Variants in NCKAP5 observed in about 807,000 individuals in gnomAD.
NCKAP5 encodes the protein NCK associated protein 5.
A neutral mutation model predicts 167.0 loss-of-function variants in NCKAP5; 92 were observed. The ratio of observed to expected loss-of-function variants is 0.55; its 90% CI spans 0.47 to 0.66. The LOEUF is 0.66. Ranked by LOEUF, NCKAP5 falls within the 30% of genes least tolerant of loss-of-function variation. NCKAP5 has a pLI of 0.00. For missense variants in NCKAP5, 2,378 were observed against 2,315.0 expected, an observed-to-expected ratio of 1.03 and a Z score of -0.56; for synonymous variants, 891 against 877.4, an observed-to-expected ratio of 1.02 and a Z score of -0.27.
intron 8 of NCKAP5, among the ~76,000 whole-genome samples, chr2:132,914,032 C>A (rs1044279061): frequency 6.6e-6 from 1 of 152,106 alleles, no homozygotes; most frequent in African/African-American, 2.4e-5. Flanking sequence ...AGTTAAAACT[C>A]GCACCACCTT....
At chr2:133,050,197 T>C (rs1025211625) in intron 6 of NCKAP5, among the ~76,000 whole-genome samples, 1 of 152,102 alleles carries the variant, frequency 6.6e-6, no homozygotes, top group Non-Finnish European at 1.5e-5. Context: ...GTGTCATTCT[T>C]CTCCAGGATT....
At chr2:132,874,621 C>T (rs72992847) in intron 9 of NCKAP5, among the ~76,000 whole-genome samples, 18 of 152,268 alleles carry the variant, frequency 1.2e-4, no homozygotes, top group African/African-American at 3.4e-4. Flanking sequence ...AATGTCCTTG[C>T]GCTCTGAAGT....
intron 8 of NCKAP5, among the ~76,000 whole-genome samples, chr2:132,928,503 C>T (rs752056099): frequency 5.9e-5 from 9 of 152,046 alleles, no homozygotes; most frequent in African/African-American, 9.7e-5. Flanking sequence ...GACACATATA[C>T]CTATCTTGTA....
At chr2:132,829,088 A>T (rs942028280) in intron 11 of NCKAP5, among the ~76,000 whole-genome samples, 62 of 152,220 alleles carry the variant, frequency 4.1e-4, no homozygotes, top group African/African-American at 1.5e-3. Flanking sequence ...AATAAAAACA[A>T]CGACAATGTC....
chr2:132,785,644 A>G lies in NCKAP5; in HGVS notation c.1167T>C (p.Asn389=), dbSNP rs1382773234. 2.0e-6 allele frequency: 3 copies of G among 1,529,180 alleles called. No homozygotes were observed. Among genetic ancestry groups the G allele is most frequent in the Non-Finnish European group, 2.6e-6 (3 of 1,141,172 alleles). The allele number at this position is 1,529,180 out of a possible 1,614,324, so 94.7% of individuals were successfully genotyped here. ...CCTTGATACGAGTTGGAGGTAGTTC[A>G]TTTGTAGGACTAGCAAAGCCACTTG... ...SLPSGFASPT[N]ELPPTRIKES... The change falls in exon 14 of 20, where the codon AAT becomes AAC. Residue 389 remains asparagine (N), a synonymous_variant. Transcript: ENST00000409261.
the NCKAP5 span, among the ~76,000 whole-genome samples, chr2:133,582,861 A>G: frequency 2.0e-5 from 3 of 152,216 alleles, no homozygotes; most frequent in African/African-American, 7.2e-5. Flanking sequence ...ATTGAAGGTT[A>G]GGGTAGGGAT....
At chr2:133,105,838 T>A (rs2149696674) in intron 6 of NCKAP5, among the ~76,000 whole-genome samples, 1 of 152,358 alleles carries the variant, frequency 6.6e-6, no homozygotes, top group East Asian at 1.9e-4. Flanking sequence ...TCTGCTTATA[T>A]ATTCTGGGAT....
chr2:133,126,987 T>C (rs574779464), intron 6 of NCKAP5, among the ~76,000 whole-genome samples: 1 of 152,232 alleles, frequency 6.6e-6, no homozygotes, highest in African/African-American at 2.4e-5. Context: ...CCTCAGCCCA[T>C]GAACAATGTT....
At chr2:133,503,451 T>C (rs551275367) in intron 3 of NCKAP5, among the ~76,000 whole-genome samples, 1 of 152,346 alleles carries the variant, frequency 6.6e-6, no homozygotes, top group Non-Finnish European at 1.5e-5. Context: ...GGGTAGCACA[T>C]GGCTAATTAG....
At chr2:133,553,019 G>T (rs1418801626) in intron 2 of NCKAP5, among the ~76,000 whole-genome samples, 2 of 152,094 alleles carry the variant, frequency 1.3e-5, no homozygotes, top group Non-Finnish European at 2.9e-5. Flanking sequence ...AAATATTAGA[G>T]TACATTCTTT....
chr2:133,345,156 A>G (rs946174466), intron 3 of NCKAP5, among the ~76,000 whole-genome samples: 5 of 152,050 alleles, frequency 3.3e-5, no homozygotes, highest in African/African-American at 1.2e-4. Flanking sequence ...TACAGCCTTT[A>G]AAAGATAACC....
intron 5 of NCKAP5, among the ~76,000 whole-genome samples, chr2:133,205,705 G>C (rs1019307389): frequency 2.6e-5 from 4 of 151,930 alleles, no homozygotes; most frequent in Non-Finnish European, 4.4e-5. Flanking sequence ...AAATCATTTG[G>C]GGGTAAGCTG....
intron 4 of NCKAP5, among the ~76,000 whole-genome samples, chr2:133,283,505 C>G (rs965399020): frequency 6.6e-6 from 1 of 151,920 alleles, no homozygotes; most frequent in Non-Finnish European, 1.5e-5. Context: ...TTTTAAATGG[C>G]TATTTGATGT....
chr2:133,179,954 T>C (rs2084658250), intron 5 of NCKAP5, among the ~76,000 whole-genome samples: 1 of 151,816 alleles, frequency 6.6e-6, no homozygotes, highest in Non-Finnish European at 1.5e-5. Context: ...AAAAATCAAA[T>C]TTGACAAAAT....
chr2:132,802,174 G>C (rs1005544910), intron 11 of NCKAP5, among the ~76,000 whole-genome samples: 7 of 152,180 alleles, frequency 4.6e-5, no homozygotes, highest in African/African-American at 1.7e-4. Context: ...TGCCCTGGCT[G>C]CTCCCCGTCT....
chr2:132,948,773 A>G (rs961611220), intron 8 of NCKAP5, among the ~76,000 whole-genome samples: 2 of 151,984 alleles, frequency 1.3e-5, no homozygotes, highest in Non-Finnish European at 2.9e-5. Context: ...ACAGCGCTCC[A>G]CCCCTTCTCT....
intron 8 of NCKAP5, among the ~76,000 whole-genome samples, chr2:132,901,988 C>T (rs1176856837): frequency 6.6e-6 from 1 of 152,142 alleles, no homozygotes; most frequent in African/African-American, 2.4e-5. Context: ...TTTCTATTAG[C>T]TTTTGTGCTA....
At chr2:132,687,688 C>T (rs1021279623) in intron 19 of NCKAP5, among the ~76,000 whole-genome samples, 5 of 148,300 alleles carry the variant, frequency 3.4e-5, no homozygotes, top group African/African-American at 1.3e-4. Flanking sequence ...AAATTCAAAA[C>T]TGCTAAGCAC....
intron 3 of NCKAP5, among the ~76,000 whole-genome samples, chr2:133,338,119 C>T (rs1294969803): frequency 6.6e-6 from 1 of 150,646 alleles, no homozygotes; most frequent in Middle Eastern, 3.2e-3. Context: ...GGGTCTATTG[C>T]ATTTTTTTTT....
Sources: allele counts gnomAD v4.1 joint callset (sites outside exome capture counted in the v4.1 genomes callset), GRCh38; gene constraint gnomAD v4.1.1; transcripts MANE v1.5; gene names NCBI Gene and HGNC (gene_info 2026-07-23, HGNC 2026-07-21).